The following OVOL2 variants were observed in gnomAD, a reference collection of about 807,000 sequenced individuals.
OVOL2 encodes transcription factor Ovo-like 2.
OVOL2 carries 13 observed loss-of-function variants against 18.1 expected under a neutral mutation model. The observed-to-expected ratio is 0.72, with a 90% CI of 0.47 to 1.14. The LOEUF (loss-of-function observed/expected upper bound fraction) is 1.14. OVOL2 is among the 50% of genes most tolerant of loss of function. The pLI, the probability that OVOL2 is intolerant of heterozygous loss-of-function variation, is 0.00. For synonymous variants in OVOL2, 166 were observed against 162.7 expected (o/e 1.02, Z -0.16); for missense variants, 335 against 383.0 (o/e 0.87, Z 1.05).
chr20:18,042,758 A>T, intron 2 of OVOL2, among the ~76,000 whole-genome samples: 1 of 142,352 alleles, frequency 7.0e-6, no homozygotes, highest in Non-Finnish European at 1.5e-5. Context: ...CTGGGCAACA[A>T]GAGCAAAACT....
At chr20:18,048,631 T>TG (rs55797948) in intron 2 of OVOL2, among the ~76,000 whole-genome samples, 8,287 of 152,040 alleles carry the variant, frequency 0.055, 267 homozygotes, top group Non-Finnish European at 0.067. Context: ...GAGGCTGAGG[T>TG]GGGGGGCGGC....
chr20:18,049,557 C>G (rs942574391), intron 2 of OVOL2, among the ~76,000 whole-genome samples: 2 of 150,588 alleles, frequency 1.3e-5, no homozygotes, highest in Non-Finnish European at 3.0e-5. Flanking sequence ...AGATTCCCCC[C>G]CCGATCCTAT....
intron 3 of OVOL2, among the ~76,000 whole-genome samples, chr20:18,026,538 C>T (rs577765379): frequency 2.2e-3 from 330 of 152,218 alleles, no homozygotes; most frequent in African/African-American, 7.6e-3. Context: ...CCCGCCACCA[C>T]GCCCAGCTAA....
intron 2 of OVOL2, among the ~76,000 whole-genome samples, chr20:18,051,539 C>T (rs1482461753): frequency 1.3e-5 from 2 of 152,112 alleles, no homozygotes; most frequent in Admixed American, 1.3e-4. Flanking sequence ...TATTCAGTGC[C>T]TCTGATGAAG....
chr20:18,048,458 G>T (rs577173240), intron 2 of OVOL2, among the ~76,000 whole-genome samples: 1 of 152,096 alleles, frequency 6.6e-6, no homozygotes, highest in Non-Finnish European at 1.5e-5. Context: ...TGGGTATAGT[G>T]GCTCATGCCT....
chr20:18,044,073 C>T (rs753580408), intron 2 of OVOL2, among the ~76,000 whole-genome samples: 19 of 152,128 alleles, frequency 1.2e-4, no homozygotes, highest in Non-Finnish European at 2.5e-4. Flanking sequence ...TACTGCAGCC[C>T]ATGACTAAAC....
chr20:18,054,859 A>G (rs1173600089), intron 2 of OVOL2, among the ~76,000 whole-genome samples: 3 of 152,168 alleles, frequency 2.0e-5, no homozygotes, highest in Non-Finnish European at 4.4e-5. Flanking sequence ...AAAGAACTTT[A>G]TAATTATACA....
chr20:18,047,317 A>G (rs1461091242), intron 2 of OVOL2, among the ~76,000 whole-genome samples: 1 of 152,016 alleles, frequency 6.6e-6, no homozygotes, highest in African/African-American at 2.4e-5. Flanking sequence ...GTTCGAGACC[A>G]GCCTGACCAA....
intron 3 of OVOL2, among the ~76,000 whole-genome samples, chr20:18,037,314 T>C (rs1381608464): frequency 6.6e-6 from 1 of 152,116 alleles, no homozygotes. Context: ...CCACCACTGA[T>C]GGGTTGTGTG....
Position 18,056,864 on chromosome 20 carries a change from G to C in OVOL2, c.114C>G (p.Arg38=). The C allele has an allele frequency of 6.7e-7, 1 of 1,486,612 alleles. No individual in the cohort carries two copies. The highest frequency in any genetic ancestry group is 1.3e-5 in the South Asian group (1 of 78,994). 92.1% of individuals were successfully genotyped at this position (1,486,612 alleles called of 1,614,324 possible). A position where few individuals can be genotyped will look rare whatever the true frequency, so the allele number is the denominator to read the frequency against. ...ADTYIPVGLG[R]LLHDPPEDCR... ...AGTCCTCGGGGGGGTCGTGGAGCAG[G>C]CGGCCTAGGCCCACTGTGGAGGGAG... Residue 38 remains arginine, a synonymous_variant, in exon 2 of 4, where the codon CGC becomes CGG. Transcript: ENST00000278780. The surrounding 1 kb of genome is among the most constrained non-coding windows in gnomAD (Gnocchi z 4.2).
intron 3 of OVOL2, among the ~76,000 whole-genome samples, chr20:18,030,871 G>A (rs1320281412): frequency 1.3e-5 from 2 of 152,116 alleles, no homozygotes; most frequent in African/African-American, 4.8e-5. Context: ...TCACTGGTGC[G>A]GGCACTGCCA....
chr20:18,058,419 G>A (rs2036850909), upstream of OVOL2, among the ~76,000 whole-genome samples: 1 of 134,242 alleles, frequency 7.4e-6, no homozygotes, highest in Non-Finnish European at 1.6e-5. Context: ...CCCCCCATAA[G>A]CAGTAAAAAT....
At position 18,047,369 on chromosome 20, in the gene OVOL2, C is replaced by G. The variant is rs554204768; in HGVS notation, c.322-5646G>C. 2.0e-5 allele frequency among the ~76,000 whole-genome samples: 3 copies of G among 149,306 alleles called. No homozygotes were observed. In the South Asian group the frequency reaches 6.4e-4, roughly 32 times the overall value. The stretch of plus-strand genomic sequence containing the variant: ...CTCTACTAAAAATACAAAAATTAGC[C>G]GCGCATGGTGGCTACTCATAATCCC... On this transcript the variant is annotated intron_variant, in intron 2 of 3. Transcript: ENST00000278780.
At chr20:18,054,028 G>A (rs980458519) in intron 2 of OVOL2, among the ~76,000 whole-genome samples, 6 of 152,144 alleles carry the variant, frequency 3.9e-5, no homozygotes, top group African/African-American at 7.2e-5. Flanking sequence ...AATCGGTCAC[G>A]TCTTTGTTTG....
At chr20:18,030,375 A>G (rs1023180250) in intron 3 of OVOL2, among the ~76,000 whole-genome samples, 2 of 152,202 alleles carry the variant, frequency 1.3e-5, no homozygotes, top group Non-Finnish European at 2.9e-5. Context: ...ACTGTTTTAA[A>G]ACATCCAAAC....
chr20:18,045,286 G>A (rs1357638567), intron 2 of OVOL2, among the ~76,000 whole-genome samples: 1 of 152,176 alleles, frequency 6.6e-6, no homozygotes, highest in Non-Finnish European at 1.5e-5. Context: ...GTGGTAGTGA[G>A]GGGCTAATGA....
At chr20:18,049,822 G>C (rs897998979) in intron 2 of OVOL2, among the ~76,000 whole-genome samples, 2 of 152,226 alleles carry the variant, frequency 1.3e-5, no homozygotes, top group East Asian at 3.9e-4. Context: ...CAGGAGGAGG[G>C]GGCATGAACC....
chr20:18,036,885 C>G (rs2122702561), intron 3 of OVOL2, among the ~76,000 whole-genome samples: 1 of 152,228 alleles, frequency 6.6e-6, no homozygotes, highest in South Asian at 2.1e-4. Context: ...GCCTGTAATC[C>G]CAGCACTTTG....
At chr20:18,055,103 C>A (rs760209888) in intron 2 of OVOL2, among the ~76,000 whole-genome samples, 2 of 152,140 alleles carry the variant, frequency 1.3e-5, no homozygotes, top group Non-Finnish European at 2.9e-5. Context: ...CTTCCCCCAG[C>A]ACACAGGCAA....
Sources: gnomAD v4.1 joint callset for allele counts (sites outside exome capture counted in the v4.1 genomes callset) on GRCh38, gnomAD v4.1.1 for gene constraint, Gnocchi (gnomAD v3.1) non-coding constraint, MANE v1.5 for transcripts, NCBI Gene and HGNC (gene_info 2026-07-23, HGNC 2026-07-21) for gene names.